The following CYTH1 variants were observed in gnomAD, a reference collection of about 807,000 sequenced individuals.
CYTH1 encodes the protein cytohesin 1.
A neutral mutation model predicts 61.8 loss-of-function variants in CYTH1; 18 were observed. The observed-to-expected ratio is 0.29, with a 90% CI of 0.20 to 0.43. CYTH1 has a LOEUF of 0.43. Among genes scored for constraint, CYTH1 ranks in the 20% least tolerant of loss-of-function variants. The pLI is 1.00. For missense variants in CYTH1, 336 were observed against 510.5 expected (o/e 0.66, Z 3.29); for synonymous variants, 174 against 184.3 (o/e 0.94, Z 0.45).
chr17:78,681,133 T>G (rs1176162411), intron 11 of CYTH1, 91 bp from the exon 12 acceptor site: 1 of 1,294,724 alleles, frequency 7.7e-7, no homozygotes, highest in Non-Finnish European at 1.1e-6. Context: ...CGAACTTTCC[T>G]GCTTTCTCCC....
intron 1 of CYTH1, among the ~76,000 whole-genome samples, chr17:78,715,863 T>G (rs1334819416): frequency 6.6e-6 from 1 of 152,156 alleles, no homozygotes; most frequent in Non-Finnish European, 1.5e-5. Context: ...CAACCCAGGC[T>G]GGAGAAGCAA....
intron 1 of CYTH1, among the ~76,000 whole-genome samples, chr17:78,757,321 AAAAAG>A (rs1461810325): frequency 2.6e-5 from 4 of 152,160 alleles, no homozygotes; most frequent in Non-Finnish European, 4.4e-5. Flanking sequence ...GCAGTTTAAA[AAAAAG>A]AAAAGAAACC....
intron 1 of CYTH1, 81 bp downstream of exon 1, chr17:78,782,121 C>T: frequency 8.5e-7 from 1 of 1,176,504 alleles, no homozygotes; most frequent in Non-Finnish European, 1.1e-6. Context: ...CGCCAGCCGC[C>T]GCAAGCGCTG....
At chr17:78,695,027 G>A (rs200285569) in intron 10 of CYTH1, among the ~76,000 whole-genome samples, 1 of 152,054 alleles carries the variant, frequency 6.6e-6, no homozygotes, top group South Asian at 2.1e-4. Flanking sequence ...CATCAAGGCC[G>A]GATGCCATCT....
At chr17:78,692,608 A>C in intron 10 of CYTH1, 115 bp from the exon 11 acceptor site, 1 of 877,348 alleles carries the variant, frequency 1.1e-6, no homozygotes, top group Non-Finnish European at 1.8e-6. Flanking sequence ...GCATCAGGAG[A>C]ACGTGGAGCC....
chr17:78,756,357 T>C (rs1420873758), intron 1 of CYTH1, among the ~76,000 whole-genome samples: 2 of 152,168 alleles, frequency 1.3e-5, no homozygotes, highest in African/African-American at 4.8e-5. Context: ...ATTACAGGCA[T>C]GAGCCACCGC....
chr17:78,737,874 T>TAC (rs10660165), intron 1 of CYTH1, among the ~76,000 whole-genome samples: 62,761 of 149,788 alleles, frequency 0.42, 13,345 homozygotes, highest in African/African-American at 0.54. Flanking sequence ...CTTCTATAGA[T>TAC]ACACACACAC....
At chr17:78,718,501 C>T (rs1000569851) in intron 1 of CYTH1, among the ~76,000 whole-genome samples, 1 of 152,158 alleles carries the variant, frequency 6.6e-6, no homozygotes, top group Non-Finnish European at 1.5e-5. Flanking sequence ...CTCCAAATAT[C>T]CTGAGCACTG....
chr17:78,763,432 T>C (rs1306922338), intron 1 of CYTH1, among the ~76,000 whole-genome samples: 1 of 151,912 alleles, frequency 6.6e-6, no homozygotes, highest in Non-Finnish European at 1.5e-5. Flanking sequence ...GGTTATAGAG[T>C]AGTCCCTCCT....
rs1409192943 is a variant in CYTH1, at chr17:78,711,310, TATATAC to T, written c.23-1584_23-1579del. ...TAAATAAATAAATAAATAATATATA[TATATAC>T]ACACACACACACACACACACACCAG... On this transcript the variant is annotated intron_variant, in intron 1 of 13. Transcript: ENST00000446868. Among the ~76,000 whole-genome samples, 61 of 143,740 alleles carry T rather than the reference TATATAC, an allele frequency of 4.2e-4. No homozygotes were observed. The East Asian group carries it at 4.5e-3, about 11-fold the overall frequency. 94.3% of individuals were successfully genotyped at this position (143,740 alleles called of 152,430 possible). A position where few individuals can be genotyped will look rare whatever the true frequency, so the allele number is the denominator to read the frequency against.
intron 1 of CYTH1, among the ~76,000 whole-genome samples, chr17:78,722,938 C>T (rs531724440): frequency 2.6e-5 from 4 of 152,234 alleles, no homozygotes; most frequent in African/African-American, 4.8e-5. Flanking sequence ...TCAAACCTCA[C>T]GGAAGCTGGA....
intron 1 of CYTH1, among the ~76,000 whole-genome samples, chr17:78,720,363 G>A (rs2144527832): frequency 6.6e-6 from 1 of 152,212 alleles, no homozygotes; most frequent in Middle Eastern, 3.4e-3. Context: ...CTGTCACCCA[G>A]GCTGGAGTGC....
chr17:78,777,278 G>A (rs979963196), intron 1 of CYTH1, among the ~76,000 whole-genome samples: 3 of 151,906 alleles, frequency 2.0e-5, no homozygotes, highest in Admixed American at 2.0e-4. Flanking sequence ...ATTTAGCCGG[G>A]TGTGGTGGCG....
At chr17:78,724,575 T>C (rs1405587088) in intron 1 of CYTH1, among the ~76,000 whole-genome samples, 1 of 152,136 alleles carries the variant, frequency 6.6e-6, no homozygotes, top group African/African-American at 2.4e-5. Context: ...ACAACCAGGT[T>C]TGACAACCAA....
chr17:78,772,175 C>CT (rs1204193887), intron 1 of CYTH1, among the ~76,000 whole-genome samples: 1 of 152,044 alleles, frequency 6.6e-6, no homozygotes, highest in Non-Finnish European at 1.5e-5. Context: ...ACTCTGAAGA[C>CT]TTTCATCTTG....
intron 11 of CYTH1, chr17:78,691,547 C>T (rs2092886084): frequency 6.6e-6 from 1 of 152,232 alleles, no homozygotes; most frequent in African/African-American, 2.4e-5. Flanking sequence ...ATGACTTTTG[C>T]TCCATGAAGA....
intron 1 of CYTH1, among the ~76,000 whole-genome samples, chr17:78,778,317 AAAAG>A (rs562564406): frequency 0.2 from 26,193 of 129,452 alleles, 3,921 homozygotes; most frequent in East Asian, 0.3. Context: ...AAAAAAAAAA[AAAAG>A]GGAAAAAAAA....
intron 1 of CYTH1, among the ~76,000 whole-genome samples, chr17:78,776,745 T>C (rs955851634): frequency 6.6e-6 from 1 of 151,946 alleles, no homozygotes; most frequent in Admixed American, 6.6e-5. Context: ...TTTTTTCTTT[T>C]TCCTGAGCAG....
chr17:78,744,946 GA>G (rs1379073150), intron 1 of CYTH1, among the ~76,000 whole-genome samples: 2 of 151,204 alleles, frequency 1.3e-5, no homozygotes, highest in Non-Finnish European at 2.9e-5. Flanking sequence ...ACTCTTGCAA[GA>G]AAAAAAATAA....
Sources: allele counts gnomAD v4.1 joint callset (sites outside exome capture counted in the v4.1 genomes callset), GRCh38; gene constraint gnomAD v4.1.1; transcripts MANE v1.5; gene names NCBI Gene and HGNC (gene_info 2026-07-23, HGNC 2026-07-21).